Variants in SP3 observed in about 807,000 individuals in gnomAD.
The protein encoded by SP3 is transcription factor Sp3.
A neutral mutation model predicts 70.3 loss-of-function variants in SP3; 10 were observed. That is an observed-to-expected ratio of 0.14 (90% CI 0.09 to 0.24). The LOEUF (loss-of-function observed/expected upper bound fraction) is 0.24. Ranked by LOEUF, SP3 falls within the 10% of genes least tolerant of loss-of-function variation. SP3 has a pLI of 1.00. For missense variants in SP3, 825 were observed against 914.6 expected, an observed-to-expected ratio of 0.90 and a Z score of 1.26; for synonymous variants, 402 against 333.5, an observed-to-expected ratio of 1.21 and a Z score of -2.24.
At chr2:173,933,773 T>G (rs931171587) in intron 4 of SP3, among the ~76,000 whole-genome samples, 3 of 151,282 alleles carry the variant, frequency 2.0e-5, no homozygotes, top group African/African-American at 7.3e-5. Context: ...ATAACCCTGC[T>G]TCAAAAAGCA....
At chr2:173,939,878 A>C (rs183030353) in intron 4 of SP3, among the ~76,000 whole-genome samples, 3 of 151,998 alleles carry the variant, frequency 2.0e-5, no homozygotes, top group African/African-American at 7.2e-5. Context: ...AGGAGGGGGC[A>C]TGGAAAATGG....
At chr2:173,962,107 TG>T (rs1351314949) in intron 3 of SP3, among the ~76,000 whole-genome samples, 1 of 152,144 alleles carries the variant, frequency 6.6e-6, no homozygotes. Flanking sequence ...GAAAAGCAGC[TG>T]AAGAAGCATG....
chr2:173,943,575 C>T (rs1460313102), intron 4 of SP3, among the ~76,000 whole-genome samples: 1 of 152,152 alleles, frequency 6.6e-6, no homozygotes, highest in Admixed American at 6.5e-5. Context: ...AAGTGAACCT[C>T]CCACTTCGGT....
chr2:173,942,469 G>C (rs1397352576), intron 4 of SP3, among the ~76,000 whole-genome samples: 3 of 152,186 alleles, frequency 2.0e-5, no homozygotes, highest in Non-Finnish European at 1.5e-5. Context: ...GGGAGGCTGA[G>C]GCAGGAGAAA....
intron 5 of SP3, 116 bp downstream of exon 5, chr2:173,918,477 A>C (rs1689666806): frequency 9.0e-7 from 1 of 1,106,846 alleles, no homozygotes; most frequent in African/African-American, 1.6e-5. Context: ...ATACACACAC[A>C]CCAAAAATGA....
chr2:173,964,293 A>AGGGGAGGGGAGAGACGAGGAGGGAGG, intron 2 of SP3, 112 bp downstream of exon 2: 1 of 417,350 alleles, frequency 2.4e-6, no homozygotes, highest in Non-Finnish European at 4.1e-6. Context: ...AGGGGAGTGG[A>AGGGGAGGGGAGAGACGAGGAGGGAGG]GGGGAGGGGA....
chr2:173,944,564 C>G (rs1331697966), intron 4 of SP3, among the ~76,000 whole-genome samples: 1 of 152,060 alleles, frequency 6.6e-6, no homozygotes. Flanking sequence ...TCCCCAAGAA[C>G]CACTAAAATG....
chr2:173,913,516 ATGTAATTAAAAG>A, intron 5 of SP3: 1 of 271,130 alleles, frequency 3.7e-6, no homozygotes. Flanking sequence ...CTCAAGAATT[ATGTAATTAAAAG>A]GACATTTCAT....
At chr2:173,913,347 G>A (rs1689541143) in intron 5 of SP3, 81 bp from the exon 6 acceptor site, 3 of 1,040,046 alleles carry the variant, frequency 2.9e-6, no homozygotes, top group Non-Finnish European at 2.6e-6. Flanking sequence ...ATATCCCCAT[G>A]TTGAATTTTA....
chr2:173,912,706 T>C (rs1269487152), intron 6 of SP3, among the ~76,000 whole-genome samples: 1 of 151,052 alleles, frequency 6.6e-6, no homozygotes, highest in Non-Finnish European at 1.5e-5. Flanking sequence ...GAAACAGGAG[T>C]ATTTTTTGTT....
intron 5 of SP3, among the ~76,000 whole-genome samples, chr2:173,917,407 C>T (rs1205478528): frequency 6.6e-6 from 1 of 152,044 alleles, no homozygotes; most frequent in Non-Finnish European, 1.5e-5. Context: ...ATGGTTAAGG[C>T]TCTGGAGTAA....
chr2:173,938,746 T>C (rs1190161663), intron 4 of SP3, among the ~76,000 whole-genome samples: 1 of 152,248 alleles, frequency 6.6e-6, no homozygotes, highest in Non-Finnish European at 1.5e-5. Context: ...GTATCTGGGC[T>C]AAGTCTTGAA....
At chr2:173,961,093 A>G (rs566227318) in intron 3 of SP3, among the ~76,000 whole-genome samples, 73 of 152,374 alleles carry the variant, frequency 4.8e-4, no homozygotes, top group African/African-American at 1.7e-3. Flanking sequence ...ATACTTGCAC[A>G]AAGGTCTACT....
At chr2:173,940,116 A>G (rs1690323367) in intron 4 of SP3, among the ~76,000 whole-genome samples, 1 of 151,984 alleles carries the variant, frequency 6.6e-6, no homozygotes, top group Middle Eastern at 3.2e-3. Flanking sequence ...GCTTCAAGCA[A>G]TTCTCCCAGC....
At chr2:173,954,382 A>G (rs1288228827) in intron 4 of SP3, among the ~76,000 whole-genome samples, 1 of 152,164 alleles carries the variant, frequency 6.6e-6, no homozygotes, top group African/African-American at 2.4e-5. Flanking sequence ...TCCATTTTAC[A>G]CAACAAGGAA....
intron 2 of SP3, 135 bp downstream of exon 2, chr2:173,964,270 C>T: frequency 2.0e-6 from 1 of 508,456 alleles, no homozygotes. Context: ...CGGGCAGCTC[C>T]CGGGGCGGGG....
chr2:173,964,957 C>T (rs1313990656), intron 1 of SP3: 1 of 613,414 alleles, frequency 1.6e-6, no homozygotes, highest in Non-Finnish European at 2.6e-6. Flanking sequence ...CGGGGCCTGG[C>T]GGGGAGACGG....
chr2:173,955,763 G>C lies in SP3; in HGVS notation c.749C>G (p.Thr250Ser). The part of the protein sequence containing the change: ...AIGGSSFPGQ[T>S]QVVANVPLGL... Reference sequence around the variant, plus strand: ...AAGAGGCACATTAGCAACTACTTGGGTTTGACCAGGAAAAGATGAACCACC... The same window carrying C: ...AAGAGGCACATTAGCAACTACTTGGCTTTGACCAGGAAAAGATGAACCACC... Residue 250 changes from threonine (T) to serine (S), a missense_variant, in exon 4 of 7, where the codon ACC becomes AGC. Coordinates refer to ENST00000310015, the MANE Select transcript of SP3 (RefSeq NM_003111.5). The C allele has an allele frequency of 6.2e-7, 1 of 1,614,184 alleles. No homozygotes were observed. The highest frequency in any genetic ancestry group is 8.5e-7 in the Non-Finnish European group (1 of 1,180,030).
intron 4 of SP3, among the ~76,000 whole-genome samples, chr2:173,929,007 A>G (rs1260185322): frequency 6.6e-6 from 1 of 152,242 alleles, no homozygotes; most frequent in East Asian, 1.9e-4. Context: ...TTTATTTTTC[A>G]CTAATTTCAA....
Sources: allele counts gnomAD v4.1 joint callset (sites outside exome capture counted in the v4.1 genomes callset), GRCh38; gene constraint gnomAD v4.1.1; transcripts MANE v1.5; gene names NCBI Gene and HGNC (gene_info 2026-07-23, HGNC 2026-07-21).